NDST4: variants seen among roughly 807,000 people sequenced by gnomAD.
The protein encoded by NDST4 is N-deacetylase and N-sulfotransferase 4.
NDST4 carries 63 observed loss-of-function variants against 100.8 expected under a neutral mutation model. That is an observed-to-expected ratio of 0.62 (90% CI 0.51 to 0.77). NDST4 has a LOEUF of 0.77. NDST4 is among the 30% of genes least tolerant of loss of function. The pLI, the probability that NDST4 is intolerant of heterozygous loss-of-function variation, is 0.00. For synonymous variants in NDST4, 377 were observed against 361.8 expected (o/e 1.04, Z -0.48); for missense variants, 943 against 1,018.4 (o/e 0.93, Z 1.01).
intron 2 of NDST4, among the ~76,000 whole-genome samples, chr4:115,051,942 C>A (rs1354677387): frequency 5.3e-5 from 8 of 152,064 alleles, no homozygotes; most frequent in Non-Finnish European, 1.2e-4. Flanking sequence ...AAAATATTGA[C>A]ATATCCACAT....
chr4:114,849,511 G>A (rs919650705), intron 8 of NDST4, among the ~76,000 whole-genome samples: 9 of 152,186 alleles, frequency 5.9e-5, no homozygotes, highest in African/African-American at 2.2e-4. Flanking sequence ...AAAGGCTACT[G>A]CACTTTGAGT....
At chr4:114,877,707 G>T (rs1437553242) in intron 6 of NDST4, among the ~76,000 whole-genome samples, 2 of 152,134 alleles carry the variant, frequency 1.3e-5, no homozygotes, top group African/African-American at 4.8e-5. Flanking sequence ...CCAGCACTTT[G>T]GGAGGCTGGG....
At chr4:114,983,093 C>T (rs190508060) in intron 2 of NDST4, among the ~76,000 whole-genome samples, 19 of 152,304 alleles carry the variant, frequency 1.2e-4, no homozygotes, top group Non-Finnish European at 2.2e-4. Context: ...GATATTCAGG[C>T]AAAATCTGCT....
In NDST4 at chr4:115,077,014, C is replaced by T. The variant is rs372475983; in HGVS notation, c.23G>A (p.Arg8Gln). The change falls in exon 2 of 14, where the codon CGG (arginine) becomes CAG (glutamine). Residue 8 changes from arginine (R) to glutamine (Q), a missense_variant. Arg to Gln is a conservative substitution (Grantham distance 43). This residue lies in a region of NDST4 where 417 missense variants were observed against 384.2 expected (regional missense o/e 1.09). Coordinates refer to ENST00000264363, the MANE Select transcript of NDST4 (RefSeq NM_022569.3). ...AACAATCAATGTTCGAAAACTTCTC[C>T]GAAGTTTCACAATAAGATTCATTTT... Reference protein sequence around the residue: MNLIVKLRRSFRTLIVLL... With the variant: MNLIVKLQRSFRTLIVLL... 128 of 1,599,886 alleles carry T rather than the reference C, an allele frequency of 8.0e-5. No homozygotes were observed. Among genetic ancestry groups the T allele is most frequent in the Admixed American group, 7.1e-5 (4 of 56,486 alleles).
intron 2 of NDST4, among the ~76,000 whole-genome samples, chr4:114,996,913 C>CTACT (rs1727177820): frequency 1.3e-5 from 2 of 152,160 alleles, no homozygotes; most frequent in South Asian, 4.1e-4. Flanking sequence ...GAAGAAATAT[C>CTACT]TACTTACTTT....
At chr4:115,112,769 G>A (rs554764652) in intron 1 of NDST4, among the ~76,000 whole-genome samples, 158 of 152,006 alleles carry the variant, frequency 1.0e-3, no homozygotes, top group African/African-American at 3.7e-3. Flanking sequence ...TGAGGAAATT[G>A]GAGGTATACC....
intron 1 of NDST4, among the ~76,000 whole-genome samples, chr4:115,081,741 T>C (rs148505452): frequency 8.5e-5 from 13 of 152,322 alleles, no homozygotes; most frequent in Admixed American, 1.3e-4. Context: ...CCTTAATTAG[T>C]TTCTTCTTCA....
rs114568496 is a variant in NDST4, at chr4:114,893,808, T to G, written c.1537-22858A>C. Among the ~76,000 whole-genome samples the G allele has an allele frequency of 1.0e-2, 1,522 of 152,268 alleles. 19 individuals are homozygous for G. Among genetic ancestry groups the G allele is most frequent in the Middle Eastern group, 0.034 (10 of 294 alleles). On this transcript the variant is annotated intron_variant, in intron 6 of 13. Coordinates refer to ENST00000264363, the MANE Select transcript of NDST4 (RefSeq NM_022569.3). ...GCTTTTGGCATTTTAGTCAGAAGTC[T>G]TTGCCCATGCCTATGTCCTGAGTGG...
chr4:115,069,429 T>A lies in NDST4; in HGVS notation c.978+6630A>T, dbSNP rs143951245. 4.9e-3 allele frequency among the ~76,000 whole-genome samples: 743 copies of A among 152,208 alleles called. 12 individuals carry two copies. Among genetic ancestry groups the A allele is most frequent in the African/African-American group, 0.017 (703 of 41,512 alleles). ...TCTGACAAAGGTCTAATATCCAGTA[T>A]CTATAAGGAACTTAAGCAAATTTAC... is the stretch of plus-strand genomic sequence containing the variant. On this transcript the variant is annotated intron_variant, in intron 2 of 13. Coordinates refer to ENST00000264363, the MANE Select transcript of NDST4 (RefSeq NM_022569.3).
At chr4:115,072,399 A>G (rs932819520) in intron 2 of NDST4, among the ~76,000 whole-genome samples, 1 of 152,064 alleles carries the variant, frequency 6.6e-6, no homozygotes, top group Non-Finnish European at 1.5e-5. Context: ...ATCCCAAATA[A>G]CCAAAGCAAT....
chr4:115,029,077 A>C (rs1728050749), intron 2 of NDST4, among the ~76,000 whole-genome samples: 1 of 152,132 alleles, frequency 6.6e-6, no homozygotes, highest in Non-Finnish European at 1.5e-5. Flanking sequence ...TCAGTCAAGA[A>C]ACTTAGTCAG....
chr4:114,868,055 G>A (rs1724071664), intron 7 of NDST4, among the ~76,000 whole-genome samples: 1 of 152,168 alleles, frequency 6.6e-6, no homozygotes, highest in Non-Finnish European at 1.5e-5. Flanking sequence ...TTAAATAGAT[G>A]TGAATATTAT....
At chr4:114,995,118 C>T (rs1201163045) in intron 2 of NDST4, among the ~76,000 whole-genome samples, 2 of 152,148 alleles carry the variant, frequency 1.3e-5, no homozygotes, top group East Asian at 3.9e-4. Context: ...AGTTATTATT[C>T]TTTCTCATTA....
chr4:114,845,832 A>G lies in NDST4; in HGVS notation c.2106T>C (p.Ser702=). 6.2e-7 allele frequency: 1 copy of G among 1,611,504 alleles called. No homozygotes were observed. Among genetic ancestry groups the G allele is most frequent in the Non-Finnish European group, 8.5e-7 (1 of 1,178,302 alleles). Residue 702 remains serine (S), a synonymous_variant, in exon 10 of 14, where the codon TCT becomes TCC. Coordinates refer to ENST00000264363, the MANE Select transcript of NDST4 (RefSeq NM_022569.3). ...TTTTTACTGACCATACCTGGTACCA[A>G]GAGTATGCCCTGTCTGAGGGGTCAA... is the stretch of plus-strand genomic sequence containing the variant. The part of the protein sequence containing the change: ...ILIDPSDRAY[S]WYQHQRSHED...
At chr4:115,087,890 A>G (rs1729439315) in intron 1 of NDST4, among the ~76,000 whole-genome samples, 1 of 151,876 alleles carries the variant, frequency 6.6e-6, no homozygotes, top group South Asian at 2.1e-4. Flanking sequence ...ATAAATTTTG[A>G]AAACCCATAA....
chr4:114,962,845 T>C (rs1373201150), intron 4 of NDST4, among the ~76,000 whole-genome samples: 10 of 151,996 alleles, frequency 6.6e-5, no homozygotes, highest in Non-Finnish European at 1.3e-4. Flanking sequence ...AGACCCAGAA[T>C]AGTCAAAATC....
At position 115,010,468 on chromosome 4, in the gene NDST4, T is replaced by A. The variant is rs1406597666; in HGVS notation, c.979-33194A>T. The stretch of plus-strand genomic sequence containing the variant: ...AACAAACACCGCATATTCTTACTCA[T>A]AGGTGGGAATTGAACAATGAGTACA... On this transcript the variant is annotated intron_variant, in intron 2 of 13. Transcript: ENST00000264363. Among the ~76,000 whole-genome samples the A allele has an allele frequency of 3.1e-5, 4 of 127,388 alleles. 2 individuals carry two copies. The highest frequency in any genetic ancestry group is 6.7e-5 in the Non-Finnish European group (4 of 59,860). The allele number at this position is 127,388 out of a possible 152,430, so 83.6% of individuals were successfully genotyped here. A position where few individuals can be genotyped will look rare whatever the true frequency, so the allele number is the denominator to read the frequency against.
At chr4:114,865,061 AT>A (rs11433053) in intron 7 of NDST4, among the ~76,000 whole-genome samples, 7 of 145,110 alleles carry the variant, frequency 4.8e-5, no homozygotes, top group Admixed American at 3.4e-4. Context: ...TAGCGCTATC[AT>A]TTTTTTTTCT....
At chr4:114,986,472 G>A (rs1726903585) in intron 2 of NDST4, among the ~76,000 whole-genome samples, 2 of 151,988 alleles carry the variant, frequency 1.3e-5, no homozygotes, top group African/African-American at 4.8e-5. Flanking sequence ...TCTGTTTTCT[G>A]ATTGGCATTC....
Sources: gnomAD v4.1 joint callset for allele counts (sites outside exome capture counted in the v4.1 genomes callset) on GRCh38, gnomAD v4.1.1 for gene constraint, gnomAD v4.1.1 regional missense constraint, MANE v1.5 for transcripts, NCBI Gene and HGNC (gene_info 2026-07-23, HGNC 2026-07-21) for gene names.